The following SPMIP4 variants were observed in gnomAD, a reference collection of about 807,000 sequenced individuals.
SPMIP4 encodes the protein sperm-associated microtubule inner protein 4.
chr7:25,163,892 T>C, the SPMIP4 span, among the ~76,000 whole-genome samples: 1 of 152,228 alleles, frequency 6.6e-6, no homozygotes, highest in East Asian at 1.9e-4. This position sits in a 1 kb window ranked among gnomAD's most constrained non-coding sequence, Gnocchi z 4.4. Flanking sequence ...TTCATTGCCA[T>C]GACGTATTAA....
chr7:25,135,679 T>C, the SPMIP4 span: 1 of 895,286 alleles, frequency 1.1e-6, no homozygotes, highest in Non-Finnish European at 1.4e-6. Context: ...ACATTGCTTT[T>C]TGTGATTTTG....
the SPMIP4 span, among the ~76,000 whole-genome samples, chr7:25,152,655 T>TTTCC: frequency 7.1e-4 from 107 of 151,608 alleles, no homozygotes; most frequent in Admixed American, 2.3e-3. Context: ...TCCTAACTTC[T>TTTCC]TTCCTTCCTT....
the SPMIP4 span, among the ~76,000 whole-genome samples, chr7:25,170,224 A>G: frequency 2.0e-5 from 3 of 152,306 alleles, no homozygotes; most frequent in South Asian, 4.1e-4. Context: ...AAATTTAAAA[A>G]AATTATTGCC....
At chr7:25,129,256 C>T in the SPMIP4 span, among the ~76,000 whole-genome samples, 4 of 151,574 alleles carry the variant, frequency 2.6e-5, no homozygotes, top group Admixed American at 2.6e-4. Context: ...TTATTTGGGA[C>T]CCCCCCAGAG....
chr7:25,135,515 G>T, the SPMIP4 span: 1 of 985,094 alleles, frequency 1.0e-6, no homozygotes, highest in Non-Finnish European at 1.2e-6. Flanking sequence ...TCTACCTAAT[G>T]CTACTATGTA....
chr7:25,149,850 T>C, the SPMIP4 span, among the ~76,000 whole-genome samples: 2 of 152,224 alleles, frequency 1.3e-5, no homozygotes, highest in African/African-American at 4.8e-5. Flanking sequence ...ATACGTTTTA[T>C]GAATTGAAGC....
chr7:25,171,583 A>C, the SPMIP4 span, among the ~76,000 whole-genome samples: 1 of 152,194 alleles, frequency 6.6e-6, no homozygotes, highest in African/African-American at 2.4e-5. Flanking sequence ...TACTGGGAGG[A>C]GAAAAAAAAA....
the SPMIP4 span, among the ~76,000 whole-genome samples, chr7:25,166,707 A>G: frequency 6.6e-6 from 1 of 151,040 alleles, no homozygotes; most frequent in Non-Finnish European, 1.5e-5. Flanking sequence ...ATCCACATGG[A>G]GAAACCCCAT....
chr7:25,135,908 G>A, the SPMIP4 span: 1 of 1,516,452 alleles, frequency 6.6e-7, no homozygotes, highest in Non-Finnish European at 8.8e-7. Flanking sequence ...CAATACGAAG[G>A]AAATTCTGTT....
the SPMIP4 span, chr7:25,158,560 C>T: frequency 1.3e-6 from 2 of 1,594,250 alleles, no homozygotes; most frequent in Non-Finnish European, 1.7e-6. Flanking sequence ...CAAGTTCTAA[C>T]TTATATTGAG....
At chr7:25,138,944 G>C in the SPMIP4 span, among the ~76,000 whole-genome samples, 2 of 152,148 alleles carry the variant, frequency 1.3e-5, no homozygotes, top group South Asian at 2.1e-4. This position sits in a 1 kb window ranked among gnomAD's most constrained non-coding sequence, Gnocchi z 6.2. Flanking sequence ...TGGTAACTGC[G>C]AAAGTAGTGA....
the SPMIP4 span, among the ~76,000 whole-genome samples, chr7:25,165,247 C>T: frequency 6.6e-6 from 1 of 151,904 alleles, no homozygotes; most frequent in Non-Finnish European, 1.5e-5. Flanking sequence ...TTCTTTTTTC[C>T]TCTTCATTTT....
chr7:25,158,436 T>C, the SPMIP4 span: 19 of 1,153,872 alleles, frequency 1.6e-5, no homozygotes, highest in South Asian at 6.3e-5. Context: ...TTCTAAGACA[T>C]AGGAAATGTC....
the SPMIP4 span, chr7:25,142,233 T>C: frequency 6.2e-7 from 1 of 1,602,102 alleles, no homozygotes; most frequent in Non-Finnish European, 8.6e-7. Context: ...TTGACTGCAA[T>C]TACTTACCGG....
the SPMIP4 span, chr7:25,136,695 C>T: frequency 1.1e-5 from 18 of 1,614,028 alleles, no homozygotes; most frequent in East Asian, 2.0e-4. This position sits in a 1 kb window ranked among gnomAD's most constrained non-coding sequence, Gnocchi z 5.7. Flanking sequence ...GTGGTCTTTG[C>T]TGGACTATAG....
At chr7:25,146,137 G>A in the SPMIP4 span, among the ~76,000 whole-genome samples, 1 of 152,098 alleles carries the variant, frequency 6.6e-6, no homozygotes, top group Non-Finnish European at 1.5e-5. Flanking sequence ...TTTACATCTG[G>A]AATGAAGACA....
chr7:25,155,132 G>A, the SPMIP4 span: 1 of 1,612,876 alleles, frequency 6.2e-7, no homozygotes, highest in Non-Finnish European at 8.5e-7. Context: ...TGGGGAACAT[G>A]GCGCCGCGAC....
chr7:25,128,752 T>C, the SPMIP4 span, among the ~76,000 whole-genome samples: 7,837 of 152,208 alleles, frequency 0.051, 675 homozygotes, highest in African/African-American at 0.17. The surrounding 1 kb of genome is among the most constrained non-coding windows in gnomAD (Gnocchi z 4.5). Flanking sequence ...CCCTCTCCTT[T>C]CCTCAAATAG....
At chr7:25,133,983 T>C in the SPMIP4 span, among the ~76,000 whole-genome samples, 1 of 152,140 alleles carries the variant, frequency 6.6e-6, no homozygotes, top group South Asian at 2.1e-4. Context: ...GTTACTAGGC[T>C]GGGCATGGTG....
Sources: gnomAD v4.1 joint callset for allele counts (sites outside exome capture counted in the v4.1 genomes callset) on GRCh38, gnomAD v4.1.1 for gene constraint, Gnocchi (gnomAD v3.1) non-coding constraint, MANE v1.5 for transcripts, NCBI Gene and HGNC (gene_info 2026-07-23, HGNC 2026-07-21) for gene names.